FBXL20: variants seen among roughly 807,000 people sequenced by gnomAD.
FBXL20 encodes F-box/LRR-repeat protein 20.
A neutral mutation model predicts 64.0 loss-of-function variants in FBXL20; 11 were observed. The ratio of observed to expected loss-of-function variants is 0.17; its 90% CI spans 0.11 to 0.28. The LOEUF (loss-of-function observed/expected upper bound fraction) is 0.28. FBXL20 is among the 10% of genes least tolerant of loss of function. FBXL20 has a pLI of 1.00. For synonymous variants in FBXL20, 184 were observed against 189.0 expected, an observed-to-expected ratio of 0.97 and a Z score of 0.22; for missense variants, 303 against 526.2, an observed-to-expected ratio of 0.58 and a Z score of 4.15.
intron 1 of FBXL20, among the ~76,000 whole-genome samples, chr17:39,398,141 G>A (rs1050911964): frequency 4.0e-5 from 6 of 151,052 alleles, no homozygotes; most frequent in Middle Eastern, 3.4e-3. Flanking sequence ...AATTAGCCGG[G>A]CATGGTGGCA....
chr17:39,345,605 A>G (rs999720750), intron 1 of FBXL20, among the ~76,000 whole-genome samples: 3 of 152,058 alleles, frequency 2.0e-5, no homozygotes, highest in Non-Finnish European at 4.4e-5. Flanking sequence ...CAATAGCACA[A>G]TCTCAGATCA....
At chr17:39,272,744 AAAAG>A (rs1372262458) in intron 10 of FBXL20, among the ~76,000 whole-genome samples, 4 of 150,660 alleles carry the variant, frequency 2.7e-5, no homozygotes, top group East Asian at 3.9e-4. Context: ...GAAAGAAAGA[AAAAG>A]AAAGAAAGAA....
intron 11 of FBXL20, among the ~76,000 whole-genome samples, chr17:39,270,429 A>T (rs2055748824): frequency 6.6e-6 from 1 of 152,086 alleles, no homozygotes; most frequent in African/African-American, 2.4e-5. Context: ...TTGTAATCCC[A>T]GCTACTCGGG....
intron 3 of FBXL20, 78 bp downstream of exon 3, chr17:39,303,507 A>C: frequency 8.4e-7 from 1 of 1,193,366 alleles, no homozygotes; most frequent in Non-Finnish European, 1.2e-6. Flanking sequence ...ACCTAAAATA[A>C]ATGGATGGCC....
At position 39,253,633 on chromosome 17, in the gene FBXL20, T is replaced by A. The variant is rs1379784323; in HGVS notation, c.*7827A>T. 1 of 152,110 alleles carries A rather than the reference T, an allele frequency of 6.6e-6. No homozygotes were observed. Among genetic ancestry groups the A allele is most frequent in the Non-Finnish European group, 1.5e-5 (1 of 67,988 alleles). The allele number at this position is 152,110 out of a possible 1,614,324, so 9.4% of individuals were successfully genotyped here. ...TAAGGGTTAGAAGTTAGTGTGTAAT[T>A]TGGAAGTAGGGTGAGGAGGGGAGTG... On this transcript the variant is annotated 3_prime_UTR_variant, in exon 15 of 15. Transcript: ENST00000264658.
chr17:39,338,509 C>G (rs913950465), intron 2 of FBXL20, among the ~76,000 whole-genome samples: 1 of 150,080 alleles, frequency 6.7e-6, no homozygotes, highest in Non-Finnish European at 1.5e-5. Context: ...TCCCCCTCTG[C>G]GAGAAACACC....
chr17:39,398,100 G>A (rs1329830734), intron 1 of FBXL20, among the ~76,000 whole-genome samples: 1 of 135,152 alleles, frequency 7.4e-6, no homozygotes. Context: ...TGGCCAACAT[G>A]GTGAAACCCC....
At chr17:39,301,954 A>C (rs1035875918) in intron 3 of FBXL20, among the ~76,000 whole-genome samples, 12 of 146,282 alleles carry the variant, frequency 8.2e-5, no homozygotes, top group Admixed American at 7.8e-4. Flanking sequence ...AGAGAAGTTA[A>C]GGAAAGGGCA....
In FBXL20 at chr17:39,254,978, G is replaced by A. The variant is rs918887427; in HGVS notation, c.*6482C>T. The A allele has an allele frequency of 1.4e-4, 21 of 152,444 alleles. No homozygotes were observed. The highest frequency in any genetic ancestry group is 4.3e-4 in the African/African-American group (18 of 41,434). The allele number at this position is 152,444 out of a possible 1,614,324, so 9.4% of individuals were successfully genotyped here. On this transcript the variant is annotated 3_prime_UTR_variant, in exon 15 of 15. Transcript: ENST00000264658. Reference sequence around the variant, plus strand: ...GGCAGAGATGGAAGAAGCGCATATGGACTTTCTCTTAACATCCCACAGGGG... The same window carrying A: ...GGCAGAGATGGAAGAAGCGCATATGAACTTTCTCTTAACATCCCACAGGGG...
At chr17:39,379,502 G>T (rs2048002481) in intron 1 of FBXL20, among the ~76,000 whole-genome samples, 1 of 126,120 alleles carries the variant, frequency 7.9e-6, no homozygotes, top group African/African-American at 3.5e-5. Flanking sequence ...AAAAAAACTG[G>T]CCAGGCACAG....
At chr17:39,396,735 C>T (rs1210305150) in intron 1 of FBXL20, among the ~76,000 whole-genome samples, 1 of 151,798 alleles carries the variant, frequency 6.6e-6, no homozygotes, top group Admixed American at 6.6e-5. Flanking sequence ...GTGGGCGGAT[C>T]GCGAGGTTAG....
intron 6 of FBXL20, among the ~76,000 whole-genome samples, chr17:39,290,964 AT>A (rs1555604835): frequency 0.059 from 8,523 of 143,728 alleles, 242 homozygotes; most frequent in Non-Finnish European, 0.084. Flanking sequence ...TCCATTCTGT[AT>A]TTTTTTTTTT....
intron 2 of FBXL20, among the ~76,000 whole-genome samples, chr17:39,308,687 C>T (rs2144475225): frequency 6.6e-6 from 1 of 151,880 alleles, no homozygotes; most frequent in African/African-American, 2.4e-5. Flanking sequence ...GCCTCAGCCT[C>T]CTGAGTAGCT....
intron 12 of FBXL20, among the ~76,000 whole-genome samples, chr17:39,267,388 T>C (rs887388866): frequency 2.6e-5 from 4 of 152,210 alleles, no homozygotes; most frequent in African/African-American, 4.8e-5. Flanking sequence ...TGCTGGACTT[T>C]GTTCTATCTC....
At chr17:39,329,840 A>C (rs1008688569) in intron 2 of FBXL20, among the ~76,000 whole-genome samples, 4 of 151,924 alleles carry the variant, frequency 2.6e-5, no homozygotes, top group African/African-American at 9.7e-5. Flanking sequence ...TCTACGAAAA[A>C]AAATTAAATT....
At chr17:39,378,652 C>T (rs2047993149) in intron 1 of FBXL20, among the ~76,000 whole-genome samples, 1 of 151,806 alleles carries the variant, frequency 6.6e-6, no homozygotes, top group Admixed American at 6.6e-5. Context: ...CTCTGTTGCC[C>T]AGGCTGGAGT....
chr17:39,314,722 C>T (rs1188187204), intron 2 of FBXL20, among the ~76,000 whole-genome samples: 1 of 151,398 alleles, frequency 6.6e-6, no homozygotes, highest in African/African-American at 2.4e-5. Context: ...TCCACAGTGG[C>T]TGTACCAGTG....
At chr17:39,293,274 T>C (rs2047056999) in intron 6 of FBXL20, among the ~76,000 whole-genome samples, 1 of 151,628 alleles carries the variant, frequency 6.6e-6, no homozygotes, top group East Asian at 1.9e-4. Context: ...CAGGCTGGAG[T>C]GCAGTGGCAT....
chr17:39,385,435 C>A lies in FBXL20; in HGVS notation c.42+15926G>T, dbSNP rs576878091. Among the ~76,000 whole-genome samples the A allele has an allele frequency of 1.3e-3, 198 of 152,314 alleles. 1 individual carries two copies. Among genetic ancestry groups the A allele is most frequent in the African/African-American group, 4.7e-3 (195 of 41,568 alleles). On this transcript the variant is annotated intron_variant, in intron 1 of 14. Coordinates refer to ENST00000264658, the MANE Select transcript of FBXL20 (RefSeq NM_032875.3). ...AGATAAATAGAAAATTGTATTTTAA[C>A]TTCCCTTCCCAGCACAAATACTAAA...
Sources: gnomAD v4.1 joint callset for allele counts (sites outside exome capture counted in the v4.1 genomes callset) on GRCh38, gnomAD v4.1.1 for gene constraint, MANE v1.5 for transcripts, NCBI Gene and HGNC (gene_info 2026-07-23, HGNC 2026-07-21) for gene names.